The following FAM135B variants were observed in gnomAD, a reference collection of about 807,000 sequenced individuals.
FAM135B encodes protein FAM135B.
FAM135B carries 43 observed loss-of-function variants against 127.7 expected under a neutral mutation model. The ratio of observed to expected loss-of-function variants is 0.34; its 90% CI spans 0.26 to 0.43. The LOEUF (loss-of-function observed/expected upper bound fraction) is 0.43. Ranked by LOEUF, FAM135B falls within the 20% of genes least tolerant of loss-of-function variation. The probability of loss-of-function intolerance (pLI) is 1.00; values close to 1 mark genes in which losing one functional copy is unlikely to be tolerated. For missense variants in FAM135B, 1,558 were observed against 1,725.6 expected, an observed-to-expected ratio of 0.90 and a Z score of 1.72; for synonymous variants, 670 against 665.1, an observed-to-expected ratio of 1.01 and a Z score of -0.11.
rs1371534063 is a variant in FAM135B at position 138,137,282 on chromosome 8, G to A, written c.3902-22C>T. On this transcript the variant is annotated intron_variant, in intron 18 of 19. Coordinates refer to ENST00000395297, the MANE Select transcript of FAM135B (RefSeq NM_015912.4). Reference sequence around the variant, plus strand: ...AGCCCTGTAAAAATTAGCCAGATGAGTGCTTTTTACCCAGGTAGTTTCAAC... The same window carrying A: ...AGCCCTGTAAAAATTAGCCAGATGAATGCTTTTTACCCAGGTAGTTTCAAC... 4.5e-6 allele frequency: 6 copies of A among 1,325,204 alleles called. No homozygotes were observed. In the Admixed American group the frequency reaches 8.4e-5, roughly 19 times the overall value. 82.1% of individuals were successfully genotyped at this position (1,325,204 alleles called of 1,614,324 possible). A position where few individuals can be genotyped will look rare whatever the true frequency, so the allele number is the denominator to read the frequency against.
At chr8:138,474,298 C>T (rs910961773) in intron 1 of FAM135B, among the ~76,000 whole-genome samples, 8 of 152,138 alleles carry the variant, frequency 5.3e-5, no homozygotes, top group Non-Finnish European at 1.0e-4. Flanking sequence ...CGGCCATTAA[C>T]GGTGGAACCT....
chr8:138,325,445 G>A (rs73716802), intron 2 of FAM135B, among the ~76,000 whole-genome samples: 5 of 151,936 alleles, frequency 3.3e-5, no homozygotes, highest in African/African-American at 7.3e-5. Flanking sequence ...CACCACCACC[G>A]CTCCATTCTG....
intron 11 of FAM135B, among the ~76,000 whole-genome samples, chr8:138,175,650 C>T (rs371548646): frequency 2.3e-3 from 353 of 152,272 alleles, no homozygotes; most frequent in African/African-American, 7.6e-3. Context: ...GCAGACACTA[C>T]GAAAGGCAGT....
intron 3 of FAM135B, among the ~76,000 whole-genome samples, chr8:138,301,195 G>T (rs1203220412): frequency 1.3e-5 from 2 of 152,178 alleles, no homozygotes; most frequent in Non-Finnish European, 2.9e-5. Flanking sequence ...CCCACATGCT[G>T]TGGTTTGAGG....
intron 11 of FAM135B, among the ~76,000 whole-genome samples, chr8:138,176,733 G>A (rs1814509731): frequency 6.6e-6 from 1 of 152,170 alleles, no homozygotes; most frequent in Non-Finnish European, 1.5e-5. Flanking sequence ...TGTTTGAGGT[G>A]AACGTATCAT....
At chr8:138,374,252 C>A (rs1399872251) in intron 1 of FAM135B, among the ~76,000 whole-genome samples, 1 of 152,188 alleles carries the variant, frequency 6.6e-6, no homozygotes, top group African/African-American at 2.4e-5. Flanking sequence ...ACTCTTGGGG[C>A]AGGTTCCCCA....
chr8:138,259,897 T>C (rs900589946), intron 4 of FAM135B, among the ~76,000 whole-genome samples: 2 of 151,968 alleles, frequency 1.3e-5, no homozygotes, highest in African/African-American at 4.8e-5. Context: ...GTGGGAAAAA[T>C]ATTAAAGATA....
At chr8:138,390,773 C>T (rs1389474336) in intron 1 of FAM135B, among the ~76,000 whole-genome samples, 3 of 152,140 alleles carry the variant, frequency 2.0e-5, no homozygotes, top group East Asian at 1.9e-4. Flanking sequence ...GGTGGGGATG[C>T]GGTCAGCTCT....
At chr8:138,401,305 T>C (rs942902679) in intron 1 of FAM135B, among the ~76,000 whole-genome samples, 3 of 152,212 alleles carry the variant, frequency 2.0e-5, no homozygotes, top group African/African-American at 2.4e-5. Flanking sequence ...TGATTGTCTA[T>C]GTTATACTCT....
intron 1 of FAM135B, among the ~76,000 whole-genome samples, chr8:138,442,267 T>TATATATATATACATATAC (rs34280434): frequency 4.6e-5 from 4 of 86,750 alleles, no homozygotes; most frequent in Admixed American, 1.2e-4. Flanking sequence ...TATATATATA[T>TATATATATATACATATAC]ATATATATAT....
chr8:138,394,290 A>G (rs566974591), intron 1 of FAM135B, among the ~76,000 whole-genome samples: 30 of 152,266 alleles, frequency 2.0e-4, no homozygotes, highest in African/African-American at 7.0e-4. Context: ...CTGGATAATA[A>G]TGGGCCAGTA....
chr8:138,390,138 A>T (rs1832461220), intron 1 of FAM135B, among the ~76,000 whole-genome samples: 1 of 152,104 alleles, frequency 6.6e-6, no homozygotes, highest in Non-Finnish European at 1.5e-5. Context: ...TGTACTCAAA[A>T]CTCTAATATT....
At chr8:138,134,279 G>C (rs1290032700) in intron 19 of FAM135B, among the ~76,000 whole-genome samples, 1 of 152,046 alleles carries the variant, frequency 6.6e-6, no homozygotes, top group African/African-American at 2.4e-5. Context: ...GTAATAACAA[G>C]AATAATGAAT....
At chr8:138,419,683 T>C (rs768441348) in intron 1 of FAM135B, among the ~76,000 whole-genome samples, 3 of 152,086 alleles carry the variant, frequency 2.0e-5, no homozygotes, top group Non-Finnish European at 2.9e-5. Context: ...TTAAAAATAA[T>C]AATATCAAGA....
intron 8 of FAM135B, among the ~76,000 whole-genome samples, chr8:138,196,575 A>G (rs1816649425): frequency 6.6e-6 from 1 of 152,222 alleles, no homozygotes; most frequent in Admixed American, 6.5e-5. Flanking sequence ...AGCAATGAAC[A>G]ATGAACAAGG....
chr8:138,374,009 C>A (rs1831309937), intron 1 of FAM135B, among the ~76,000 whole-genome samples: 1 of 152,128 alleles, frequency 6.6e-6, no homozygotes, highest in Non-Finnish European at 1.5e-5. Flanking sequence ...TATTCTATTA[C>A]CTTGTGAAGC....
At chr8:138,295,102 C>CTTTTTTTTTTTTTTT (rs527258472) in intron 3 of FAM135B, among the ~76,000 whole-genome samples, 9 of 82,210 alleles carry the variant, frequency 1.1e-4, no homozygotes, top group African/African-American at 4.5e-4. Flanking sequence ...CTTGCTGGTG[C>CTTTTTTTTTTTTTTT]TTTTTTTTTT....
chr8:138,269,399 G>A (rs1823193098), intron 3 of FAM135B, among the ~76,000 whole-genome samples: 1 of 152,154 alleles, frequency 6.6e-6, no homozygotes, highest in Non-Finnish European at 1.5e-5. Flanking sequence ...CAAGAACATA[G>A]CCATGGCTCT....
intron 1 of FAM135B, chr8:138,441,162 A>AT (rs1293055243): frequency 1.3e-5 from 2 of 152,112 alleles, no homozygotes; most frequent in African/African-American, 4.8e-5. Flanking sequence ...TGGGATGGAT[A>AT]TTTTTTACAG....
Sources: gnomAD v4.1 joint callset for allele counts (sites outside exome capture counted in the v4.1 genomes callset) on GRCh38, gnomAD v4.1.1 for gene constraint, MANE v1.5 for transcripts, NCBI Gene and HGNC (gene_info 2026-07-23, HGNC 2026-07-21) for gene names.